Variants in ZEB1 observed in about 807,000 individuals in gnomAD.
ZEB1 encodes zinc finger E-box binding homeobox 1.
ZEB1 carries 21 observed loss-of-function variants against 84.9 expected under a neutral mutation model. That is an observed-to-expected ratio of 0.25 (90% CI 0.18 to 0.36). ZEB1 has a LOEUF of 0.36. Among genes scored for constraint, ZEB1 ranks in the 10% least tolerant of loss-of-function variants. The pLI is 1.00. For synonymous variants in ZEB1, 420 were observed against 471.1 expected (o/e 0.89, Z 1.41); for missense variants, 1,104 against 1,330.2 (o/e 0.83, Z 2.65).
chr10:31,406,894 T>G (rs1472580177), intron 1 of ZEB1, among the ~76,000 whole-genome samples: 1 of 152,120 alleles, frequency 6.6e-6, no homozygotes. Context: ...GGGTTCCAGT[T>G]TCAGTTTTCT....
chr10:31,445,520 T>G (rs1270912319), intron 1 of ZEB1, among the ~76,000 whole-genome samples: 1 of 151,540 alleles, frequency 6.6e-6, no homozygotes, highest in African/African-American at 2.4e-5. Flanking sequence ...GCTTCCAGTT[T>G]TTGCCCATTC....
chr10:31,506,286 G>T (rs1259330104), intron 4 of ZEB1, among the ~76,000 whole-genome samples: 4 of 151,982 alleles, frequency 2.6e-5, no homozygotes, highest in Admixed American at 1.3e-4. Flanking sequence ...CATCCATTCG[G>T]TATAAAATGC....
chr10:31,500,126 TA>T (rs2067906965), intron 3 of ZEB1, among the ~76,000 whole-genome samples: 1 of 152,074 alleles, frequency 6.6e-6, no homozygotes, highest in Non-Finnish European at 1.5e-5. Context: ...TATAATTTGA[TA>T]AAAATAATTT....
chr10:31,346,047 T>A (rs776789150), intron 1 of ZEB1, among the ~76,000 whole-genome samples: 2 of 152,198 alleles, frequency 1.3e-5, no homozygotes, highest in Non-Finnish European at 2.9e-5. Flanking sequence ...AGAGCTAGTT[T>A]GAAGCAGAAG....
chr10:31,423,397 A>G (rs576491297), intron 1 of ZEB1, among the ~76,000 whole-genome samples: 91 of 152,308 alleles, frequency 6.0e-4, no homozygotes, highest in African/African-American at 1.9e-3. Context: ...AAGCATTTCT[A>G]CAACCAGGTG....
At chr10:31,344,533 A>G (rs2039961070) in intron 1 of ZEB1, among the ~76,000 whole-genome samples, 1 of 152,136 alleles carries the variant, frequency 6.6e-6, no homozygotes, top group Admixed American at 6.6e-5. Context: ...GCTTAGGCTC[A>G]CTTCAATTTC....
Position 31,526,918 on chromosome 10 carries a change from A to G in ZEB1, c.3032A>G (p.His1011Arg). ...GGGCCTGAAATCCTCTCGAATGAGC[A>G]CGTGGGTGCCAGGGCGTCTCCCTCA... Reference protein sequence around the residue: ...EAGPEILSNEHVGARASPSQG... With the variant: ...EAGPEILSNERVGARASPSQG... Residue 1011 changes from histidine to arginine, a missense_variant, in exon 9 of 9, where the codon CAC becomes CGC. Transcript: ENST00000424869. 1 of 1,614,166 alleles carries G rather than the reference A, an allele frequency of 6.2e-7. No homozygotes were observed. The highest frequency in any genetic ancestry group is 8.5e-7 in the Non-Finnish European group (1 of 1,180,040).
At chr10:31,477,454 T>A (rs899741882) in intron 2 of ZEB1, among the ~76,000 whole-genome samples, 3 of 152,000 alleles carry the variant, frequency 2.0e-5, no homozygotes, top group Non-Finnish European at 4.4e-5. Context: ...AATCTGCAGA[T>A]TCAAAGCAAT....
chr10:31,400,385 G>A (rs2051731765), intron 1 of ZEB1, among the ~76,000 whole-genome samples: 1 of 152,070 alleles, frequency 6.6e-6, no homozygotes, highest in Admixed American at 6.6e-5. Context: ...TCCAGTAAAT[G>A]ACATGCATGG....
At chr10:31,362,834 T>C in intron 1 of ZEB1, 1 of 1,019,328 alleles carries the variant, frequency 9.8e-7, no homozygotes, top group East Asian at 2.6e-5. Context: ...CCCTGCCGTG[T>C]CTTCTTTCTC....
chr10:31,346,920 C>A (rs2040417333), intron 1 of ZEB1, among the ~76,000 whole-genome samples: 1 of 152,028 alleles, frequency 6.6e-6, no homozygotes, highest in Non-Finnish European at 1.5e-5. Flanking sequence ...AAGTTTAAGG[C>A]CTGTAACTAC....
At chr10:31,384,123 G>C (rs1049720911) in intron 1 of ZEB1, among the ~76,000 whole-genome samples, 1 of 151,890 alleles carries the variant, frequency 6.6e-6, no homozygotes, top group African/African-American at 2.4e-5. Flanking sequence ...TTACAGGCAT[G>C]TTCCACCACT....
intron 1 of ZEB1, among the ~76,000 whole-genome samples, chr10:31,385,115 T>G (rs1295243893): frequency 6.6e-6 from 1 of 152,230 alleles, no homozygotes; most frequent in Non-Finnish European, 1.5e-5. Context: ...TGAGACAAGA[T>G]ATAAAATTGA....
At chr10:31,376,769 A>G (rs185060759) in intron 1 of ZEB1, among the ~76,000 whole-genome samples, 1 of 151,806 alleles carries the variant, frequency 6.6e-6, no homozygotes, top group Admixed American at 6.6e-5. Context: ...ATGCTAGAAG[A>G]GTATCTAGCA....
chr10:31,320,592 C>T (rs1054092699), intron 1 of ZEB1: 1 of 152,084 alleles, frequency 6.6e-6, no homozygotes, highest in Non-Finnish European at 1.5e-5. Flanking sequence ...ACACACACCC[C>T]TCTGCCTGGC....
chr10:31,323,136 G>A (rs1327271609), intron 1 of ZEB1, among the ~76,000 whole-genome samples: 7 of 152,024 alleles, frequency 4.6e-5, no homozygotes, highest in Admixed American at 4.6e-4. Context: ...TCTTGTTTTA[G>A]AGCAGTTGTA....
At chr10:31,449,242 G>C (rs529916474) in intron 1 of ZEB1, among the ~76,000 whole-genome samples, 2 of 152,228 alleles carry the variant, frequency 1.3e-5, no homozygotes, top group African/African-American at 4.8e-5. Flanking sequence ...GCGCTTCCCA[G>C]GTGAGGCAAT....
intron 1 of ZEB1, among the ~76,000 whole-genome samples, chr10:31,326,903 T>A (rs192467240): frequency 4.9e-4 from 74 of 152,208 alleles, no homozygotes; most frequent in African/African-American, 1.6e-3. Context: ...GATTATACTT[T>A]TGGTCACTAT....
At chr10:31,400,754 C>G (rs952856427) in intron 1 of ZEB1, among the ~76,000 whole-genome samples, 1 of 152,006 alleles carries the variant, frequency 6.6e-6, no homozygotes, top group East Asian at 1.9e-4. Flanking sequence ...AAGCATGGAA[C>G]AAATACTAAT....
Sources: gnomAD v4.1 joint callset for allele counts (sites outside exome capture counted in the v4.1 genomes callset) on GRCh38, gnomAD v4.1.1 for gene constraint, MANE v1.5 for transcripts, NCBI Gene and HGNC (gene_info 2026-07-23, HGNC 2026-07-21) for gene names.